Variants in TRHDE observed in about 807,000 individuals in gnomAD.
The protein encoded by TRHDE is thyrotropin releasing hormone degrading enzyme, also known as thyrotropin-releasing hormone-degrading ectoenzyme.
In TRHDE, 72 loss-of-function variants were observed where a neutral mutation model predicts 125.7. That is an observed-to-expected ratio of 0.57 (90% CI 0.47 to 0.70). The LOEUF is 0.70. Ranked by LOEUF, TRHDE falls within the 30% of genes least tolerant of loss-of-function variation. TRHDE has a pLI of 0.00. For missense variants in TRHDE, 1,110 were observed against 1,327.1 expected, an observed-to-expected ratio of 0.84 and a Z score of 2.54; for synonymous variants, 509 against 509.1, an observed-to-expected ratio of 1.00 and a Z score of 0.00.
At chr12:72,136,782 C>A (rs1277673823) in intron 2 of TRHDE, among the ~76,000 whole-genome samples, 1 of 152,216 alleles carries the variant, frequency 6.6e-6, no homozygotes, top group Non-Finnish European at 1.5e-5. Context: ...TTCCCAGCAC[C>A]TGTTTTTTTA....
chr12:72,271,244 G>A (rs1461566258), upstream of TRHDE, among the ~76,000 whole-genome samples: 10 of 152,044 alleles, frequency 6.6e-5, no homozygotes, highest in Non-Finnish European at 1.5e-4. Flanking sequence ...TGGACACATC[G>A]CACAGTATAA....
chr12:72,548,842 G>C (rs1319384781), intron 7 of TRHDE, among the ~76,000 whole-genome samples: 1 of 151,578 alleles, frequency 6.6e-6, no homozygotes, highest in African/African-American at 2.4e-5. Flanking sequence ...ATGTTGTTAT[G>C]AGTCAACACC....
chr12:72,378,066 A>C lies in TRHDE; in HGVS notation c.1260A>C (p.Arg420Ser), dbSNP rs765943495. ...SGDYALHITKRLIEFYEDYFK... is the reference protein window; with the variant it reads ...SGDYALHITKSLIEFYEDYFK... ...ACTATGCTCTCCATATAACAAAGAG[A>C]TTAATAGAATTTTATGAAGACTACT... Residue 420 changes from arginine to serine, a missense_variant, in exon 3 of 19, where the codon AGA becomes AGC. Transcript: ENST00000261180. The C allele has an allele frequency of 6.2e-7, 1 of 1,606,602 alleles. No homozygotes were observed. Among genetic ancestry groups the C allele is most frequent in the East Asian group, 2.2e-5 (1 of 44,698 alleles).
At chr12:72,261,306 A>G (rs1273434162) in intron 2 of TRHDE, among the ~76,000 whole-genome samples, 1 of 152,158 alleles carries the variant, frequency 6.6e-6, no homozygotes. Flanking sequence ...TTAACTCTAC[A>G]ATTTTAGACT....
intron 8 of TRHDE, 44 bp from the exon 9 acceptor site, chr12:72,562,809 A>C: frequency 7.9e-7 from 1 of 1,265,086 alleles, no homozygotes; most frequent in Non-Finnish European, 1.1e-6. Context: ...TAATGTTGAT[A>C]ATTCATGTTT....
chr12:72,611,683 GTGC>G (rs1283445537), intron 12 of TRHDE, among the ~76,000 whole-genome samples: 1 of 152,202 alleles, frequency 6.6e-6, no homozygotes, highest in Non-Finnish European at 1.5e-5. Flanking sequence ...TGGGAAAAGA[GTGC>G]TGTGTGAAAT....
intron 2 of TRHDE, among the ~76,000 whole-genome samples, chr12:72,108,712 C>T (rs1357644567): frequency 6.6e-6 from 1 of 151,996 alleles, no homozygotes; most frequent in Non-Finnish European, 1.5e-5. Context: ...TGGTAATTAG[C>T]ATTTTCGCCC....
chr12:72,256,134 C>A (rs1416646908), intron 2 of TRHDE: 1 of 152,218 alleles, frequency 6.6e-6, no homozygotes, highest in Non-Finnish European at 1.5e-5. Flanking sequence ...TTTCATGGCT[C>A]TTTCCAATTG....
intron 1 of TRHDE, among the ~76,000 whole-genome samples, chr12:72,101,481 T>C (rs1046997343): frequency 2.6e-5 from 4 of 152,180 alleles, no homozygotes; most frequent in Non-Finnish European, 5.9e-5. Flanking sequence ...AGAAGCTTTC[T>C]GCCAATAAGT....
chr12:72,249,277 T>G (rs999829245), intron 2 of TRHDE, among the ~76,000 whole-genome samples: 2 of 152,218 alleles, frequency 1.3e-5, no homozygotes, highest in African/African-American at 2.4e-5. Context: ...TGGGAGGTAA[T>G]TTTTAATAAT....
intron 6 of TRHDE, among the ~76,000 whole-genome samples, chr12:72,528,111 A>T (rs571681061): frequency 1.3e-5 from 2 of 152,160 alleles, no homozygotes; most frequent in African/African-American, 4.8e-5. Flanking sequence ...GCCATCTTTT[A>T]TATTAGATGG....
intron 2 of TRHDE, among the ~76,000 whole-genome samples, chr12:72,140,594 A>C (rs1356707462): frequency 6.6e-6 from 1 of 152,206 alleles, no homozygotes; most frequent in East Asian, 1.9e-4. Flanking sequence ...AATATTTTAC[A>C]GAGTTTGCCT....
At position 72,501,454 on chromosome 12, in the gene TRHDE, T is replaced by A. The variant is rs536990481; in HGVS notation, c.1722+1819T>A. Among the ~76,000 whole-genome samples, 11 of 152,140 alleles carry A rather than the reference T, an allele frequency of 7.2e-5. 1 individual carries two copies. In the South Asian group the frequency reaches 1.9e-3, roughly 26 times the overall value. The stretch of plus-strand genomic sequence containing the variant: ...CCAGAATCTATCAAGATGGTTATAT[T>A]TTTTTTGTTTTTTAGTTTGTTAATA... On this transcript the variant is annotated intron_variant, in intron 6 of 18. Transcript: ENST00000261180.
At chr12:72,605,567 C>T (rs993503559) in intron 12 of TRHDE, among the ~76,000 whole-genome samples, 1 of 152,070 alleles carries the variant, frequency 6.6e-6, no homozygotes, top group African/African-American at 2.4e-5. Flanking sequence ...TTTTCTATCT[C>T]ACTGGTAATG....
At chr12:72,592,187 A>C (rs1210877943) in intron 12 of TRHDE, among the ~76,000 whole-genome samples, 1 of 152,046 alleles carries the variant, frequency 6.6e-6, no homozygotes, top group Non-Finnish European at 1.5e-5. Flanking sequence ...ATTTGTATAG[A>C]TCTCTTTCCA....
chr12:72,486,192 G>A (rs928808637), intron 5 of TRHDE, among the ~76,000 whole-genome samples: 2 of 152,172 alleles, frequency 1.3e-5, no homozygotes, highest in African/African-American at 4.8e-5. Context: ...AGGTTGCTGG[G>A]ATGTACCTCA....
intron 2 of TRHDE, among the ~76,000 whole-genome samples, chr12:72,301,079 G>A (rs1380792301): frequency 2.0e-5 from 3 of 152,052 alleles, no homozygotes; most frequent in Non-Finnish European, 4.4e-5. Context: ...AGTACTATAT[G>A]ATCCTGTCGT....
chr12:72,243,609 TGTGAC>T (rs1878522751), intron 2 of TRHDE, among the ~76,000 whole-genome samples: 2 of 152,238 alleles, frequency 1.3e-5, no homozygotes, highest in Non-Finnish European at 2.9e-5. Context: ...CTTTTTGAAA[TGTGAC>T]TACAAGTAAA....
chr12:72,182,220 G>A (rs1172376459), intron 2 of TRHDE, among the ~76,000 whole-genome samples: 1 of 152,120 alleles, frequency 6.6e-6, no homozygotes, highest in Non-Finnish European at 1.5e-5. Context: ...ACCTAGGCTC[G>A]AGTAACCTTA....
Sources: gnomAD v4.1 joint callset for allele counts (sites outside exome capture counted in the v4.1 genomes callset) on GRCh38, gnomAD v4.1.1 for gene constraint, MANE v1.5 for transcripts, NCBI Gene and HGNC (gene_info 2026-07-23, HGNC 2026-07-21) for gene names.